The following CAPS2 variants were observed in gnomAD, a reference collection of about 807,000 sequenced individuals.
CAPS2 encodes calcyphosine 2.
A neutral mutation model predicts 86.5 loss-of-function variants in CAPS2; 98 were observed. That is an observed-to-expected ratio of 1.13 (90% CI 0.96 to 1.34). CAPS2 has a LOEUF of 1.34. Among genes scored for constraint, CAPS2 ranks in the 40% most tolerant of loss-of-function variants. The probability of loss-of-function intolerance (pLI) is 0.00; values close to 1 mark genes in which losing one functional copy is unlikely to be tolerated. For missense variants in CAPS2, 729 were observed against 686.8 expected, an observed-to-expected ratio of 1.06 and a Z score of -0.69; for synonymous variants, 210 against 225.1, an observed-to-expected ratio of 0.93 and a Z score of 0.60.
chr12:75,290,113 C>T (rs1252648338), intron 13 of CAPS2, among the ~76,000 whole-genome samples: 1 of 152,148 alleles, frequency 6.6e-6, no homozygotes, highest in Non-Finnish European at 1.5e-5. Flanking sequence ...TAGACAACCT[C>T]TTTAACCACC....
intron 9 of CAPS2, among the ~76,000 whole-genome samples, chr12:75,299,190 A>C (rs1248561857): frequency 1.3e-5 from 2 of 152,216 alleles, no homozygotes; most frequent in Non-Finnish European, 2.9e-5. Context: ...ACTGACATTA[A>C]AAGTGGATAT....
At chr12:75,312,042 TAA>T (rs1396265767) in intron 7 of CAPS2, among the ~76,000 whole-genome samples, 3 of 152,218 alleles carry the variant, frequency 2.0e-5, no homozygotes, top group Non-Finnish European at 4.4e-5. Context: ...TTTTCAAAGC[TAA>T]GTCTTACTTT....
chr12:75,304,906 TA>T (rs2038264417), intron 7 of CAPS2, 30 bp from the exon 8 acceptor site: 2 of 1,597,918 alleles, frequency 1.3e-6, no homozygotes, highest in African/African-American at 1.3e-5. Flanking sequence ...GTCCAACAAT[TA>T]AATATGATCA....
At chr12:75,336,306 C>T (rs943446981) in intron 1 of CAPS2, among the ~76,000 whole-genome samples, 1 of 151,674 alleles carries the variant, frequency 6.6e-6, no homozygotes, top group Non-Finnish European at 1.5e-5. Flanking sequence ...AAGAGGGAAT[C>T]ATTTAAAAAT....
intron 11 of CAPS2, among the ~76,000 whole-genome samples, chr12:75,295,822 C>A (rs547422282): frequency 2.8e-4 from 42 of 152,110 alleles, no homozygotes; most frequent in Non-Finnish European, 5.4e-4. Context: ...CTCTTTCAGT[C>A]TTTAATCTTT....
chr12:75,362,980 T>C (rs952083518), intron 1 of CAPS2: 2 of 525,936 alleles, frequency 3.8e-6, no homozygotes, highest in Non-Finnish European at 6.9e-6. Context: ...ATTGAGACAT[T>C]ATTATTTTTC....
chr12:75,362,643 T>C (rs2043679528), intron 1 of CAPS2, among the ~76,000 whole-genome samples: 1 of 152,188 alleles, frequency 6.6e-6, no homozygotes, highest in African/African-American at 2.4e-5. Context: ...GAAAAATTTA[T>C]GACTTATACT....
chr12:75,313,347 C>T (rs1036773665), intron 6 of CAPS2, among the ~76,000 whole-genome samples: 6 of 151,990 alleles, frequency 3.9e-5, no homozygotes, highest in African/African-American at 1.2e-4. Flanking sequence ...CAAAAGAAGG[C>T]AAAACTGAGT....
At chr12:75,385,742 G>T (rs145132918) in intron 1 of CAPS2, among the ~76,000 whole-genome samples, 1 of 152,190 alleles carries the variant, frequency 6.6e-6, no homozygotes, top group Admixed American at 6.5e-5. Flanking sequence ...AATGATTTTA[G>T]CAAGGTTGCA....
At chr12:75,340,652 C>T (rs1182022373) in intron 1 of CAPS2, among the ~76,000 whole-genome samples, 2 of 150,226 alleles carry the variant, frequency 1.3e-5, no homozygotes, top group African/African-American at 4.9e-5. Context: ...GGACAAACTA[C>T]AAACTAGGAG....
At position 75,291,538 on chromosome 12, in the gene CAPS2, G is replaced by GTATA. The variant is rs5799217; in HGVS notation, c.1240+202_1240+205dup. Among the ~76,000 whole-genome samples, 23 of 26,142 alleles carry GTATA rather than the reference G, an allele frequency of 8.8e-4. 2 individuals carry two copies. The highest frequency in any genetic ancestry group is 2.4e-3 in the African/African-American group (14 of 5,830). The allele number at this position is 26,142 out of a possible 152,430, so 17.2% of individuals were successfully genotyped here. On this transcript the variant is annotated intron_variant, in intron 13 of 16. Coordinates refer to ENST00000393284, the Ensembl canonical transcript of CAPS2. ...ATATATATATAGCTTATTTTAAAAA[G>GTATA]TATATATATATATAGCTTATTTTTA...
chr12:75,302,613 T>C (rs1318663195), intron 8 of CAPS2, among the ~76,000 whole-genome samples: 1 of 152,142 alleles, frequency 6.6e-6, no homozygotes, highest in Non-Finnish European at 1.5e-5. Flanking sequence ...AAAAGGTAAC[T>C]ACAGAGTAGG....
chr12:75,285,911 C>T (rs1293436888), intron 14 of CAPS2, among the ~76,000 whole-genome samples: 4 of 151,932 alleles, frequency 2.6e-5, no homozygotes, highest in Non-Finnish European at 5.9e-5. Context: ...CTACAATTTA[C>T]ACTGAAAGGT....
At chr12:75,333,707 T>G (rs1408228792), upstream of CAPS2, 1 of 152,226 alleles carries the variant, frequency 6.6e-6, no homozygotes, top group Non-Finnish European at 1.5e-5. Flanking sequence ...TTGGTTTTTG[T>G]TTTTTGTGTC....
In CAPS2 at chr12:75,285,232, C is replaced by T. The variant is rs142567326; in HGVS notation, c.1396-152G>A. 1.9e-3 allele frequency: 1,424 copies of T among 750,948 alleles called. 5 individuals carry two copies. The highest frequency in any genetic ancestry group is 4.2e-3 in the South Asian group (147 of 35,092). The allele number at this position is 750,948 out of a possible 1,614,324, so 46.5% of individuals were successfully genotyped here. On this transcript the variant is annotated intron_variant, in intron 14 of 16. Coordinates refer to ENST00000393284, the Ensembl canonical transcript of CAPS2. ...AAGCTACATAAAAATCCAATCAAAA[C>T]CACTAAAAAAGTGATTTAGAGGAAT...
intron 5 of CAPS2, 67 bp from the exon 6 acceptor site, chr12:75,316,501 G>A (rs879764932): frequency 5.5e-5 from 75 of 1,360,942 alleles, no homozygotes; most frequent in Non-Finnish European, 7.0e-5. Context: ...AACAAAATAT[G>A]GGAATAGATA....
chr12:75,384,785 G>A (rs959195304), intron 1 of CAPS2, among the ~76,000 whole-genome samples: 7 of 152,226 alleles, frequency 4.6e-5, no homozygotes, highest in South Asian at 2.1e-4. Flanking sequence ...ATTCAACAAC[G>A]TATAAAAATA....
chr12:75,361,798 C>T (rs2043614593), intron 1 of CAPS2, among the ~76,000 whole-genome samples: 1 of 152,084 alleles, frequency 6.6e-6, no homozygotes, highest in South Asian at 2.1e-4. Flanking sequence ...CAATCACCTC[C>T]CTCCCTAAAC....
intron 12 of CAPS2, among the ~76,000 whole-genome samples, chr12:75,293,020 CATAAAATTGAAT>C (rs1361701886): frequency 6.6e-6 from 1 of 151,896 alleles, no homozygotes; most frequent in Non-Finnish European, 1.5e-5. Context: ...GTATCTTTAA[CATAAAATTGAAT>C]ATTTTCAAAT....
Sources: allele counts gnomAD v4.1 joint callset (sites outside exome capture counted in the v4.1 genomes callset), GRCh38; gene constraint gnomAD v4.1.1; transcripts MANE v1.5; gene names NCBI Gene and HGNC (gene_info 2026-07-23, HGNC 2026-07-21).